Variants in CRY1 observed in about 807,000 individuals in gnomAD.
CRY1 encodes the protein cryptochrome-1.
CRY1 carries 45 observed loss-of-function variants against 76.0 expected under a neutral mutation model. That is an observed-to-expected ratio of 0.59 (90% CI 0.47 to 0.76). The LOEUF (loss-of-function observed/expected upper bound fraction) is 0.76, where lower values mean the gene tolerates loss of function less well. Among genes scored for constraint, CRY1 ranks in the 30% least tolerant of loss-of-function variants. The pLI is 0.00. For synonymous variants in CRY1, 248 were observed against 244.0 expected (o/e 1.02, Z -0.15); for missense variants, 587 against 716.4 (o/e 0.82, Z 2.06).
chr12:107,022,007 A>G (rs1252306842), intron 2 of CRY1, 77 bp downstream of exon 2: 7 of 1,084,310 alleles, frequency 6.5e-6, no homozygotes, highest in Non-Finnish European at 9.4e-6. Flanking sequence ...ATTTTCAATT[A>G]GTCAAAAAAC....
chr12:107,013,105 A>G lies in CRY1; in HGVS notation c.268-7857T>C, dbSNP rs531286187. Among the ~76,000 whole-genome samples, 4 of 152,358 alleles carry G rather than the reference A, an allele frequency of 2.6e-5. No homozygotes were observed. In the South Asian group the frequency reaches 8.3e-4, roughly 32 times the overall value. ...TGATGAAGCAGTGGCAGGGTTTGAG[A>G]GGACTGACTCCAATTTTTAAAGTTG... On this transcript the variant is annotated intron_variant, in intron 2 of 12. Coordinates refer to ENST00000008527, the MANE Select transcript of CRY1 (RefSeq NM_004075.5).
intron 1 of CRY1, among the ~76,000 whole-genome samples, chr12:107,067,836 G>A (rs559788190): frequency 6.6e-6 from 1 of 152,256 alleles, no homozygotes; most frequent in South Asian, 2.1e-4. Flanking sequence ...TCTGACAGAT[G>A]TTCTCAACCG....
At chr12:107,005,595 G>A (rs547038509) in intron 2 of CRY1, among the ~76,000 whole-genome samples, 1 of 152,172 alleles carries the variant, frequency 6.6e-6, no homozygotes, top group African/African-American at 2.4e-5. Context: ...TTGGCACTTT[G>A]GTTAGTATTT....
At chr12:106,998,436 T>C (rs899615009) in intron 7 of CRY1, among the ~76,000 whole-genome samples, 1 of 152,096 alleles carries the variant, frequency 6.6e-6, no homozygotes, top group African/African-American at 2.4e-5. Flanking sequence ...TGCTATTACA[T>C]AAAACACCAA....
At chr12:107,005,745 T>C (rs888063765) in intron 2 of CRY1, among the ~76,000 whole-genome samples, 14 of 152,158 alleles carry the variant, frequency 9.2e-5, no homozygotes, top group African/African-American at 3.4e-4. Flanking sequence ...ATAAGCTGCC[T>C]GGCTGAGGTC....
intron 12 of CRY1, 57 bp downstream of exon 12, chr12:106,992,730 A>T (rs1952192119): frequency 7.4e-7 from 1 of 1,352,056 alleles, no homozygotes; most frequent in Non-Finnish European, 1.0e-6. Flanking sequence ...AAATTATCTT[A>T]ATTTATGTTA....
intron 12 of CRY1, 123 bp from the exon 13 acceptor site, chr12:106,992,124 T>TA (rs1952186416): frequency 6.6e-6 from 1 of 152,038 alleles, no homozygotes; most frequent in Non-Finnish European, 1.5e-5. Context: ...TAGGTTGACA[T>TA]AAAAAAACTA....
intron 1 of CRY1, among the ~76,000 whole-genome samples, chr12:107,025,155 T>A (rs1555198940): frequency 1.3e-5 from 2 of 152,060 alleles, no homozygotes; most frequent in Non-Finnish European, 2.9e-5. Context: ...CGTTAGGGAG[T>A]GGGGGTTTGA....
intron 1 of CRY1, among the ~76,000 whole-genome samples, chr12:107,067,128 C>A (rs140327762): frequency 1.3e-4 from 20 of 152,118 alleles, no homozygotes; most frequent in African/African-American, 4.6e-4. Context: ...AAACTATGGC[C>A]CATGGGACAA....
At chr12:107,001,228 T>A in intron 5 of CRY1, 52 bp downstream of exon 5, 1 of 1,344,694 alleles carries the variant, frequency 7.4e-7, no homozygotes. Flanking sequence ...AATTATTTTT[T>A]AAATGGCAGT....
intron 1 of CRY1, among the ~76,000 whole-genome samples, chr12:107,032,166 T>C (rs1952684354): frequency 6.6e-6 from 1 of 152,094 alleles, no homozygotes; most frequent in African/African-American, 2.4e-5. Flanking sequence ...ACTCCTGACC[T>C]CAGGTGATCC....
chr12:107,051,937 A>G (rs1020894642), intron 1 of CRY1, among the ~76,000 whole-genome samples: 5 of 122,772 alleles, frequency 4.1e-5, no homozygotes, highest in African/African-American at 1.4e-4. Context: ...TCTGTTAAGC[A>G]TTTGTAAAAG....
intron 1 of CRY1, among the ~76,000 whole-genome samples, chr12:107,032,227 C>T (rs1166166635): frequency 1.3e-5 from 2 of 151,518 alleles, no homozygotes; most frequent in African/African-American, 4.8e-5. Context: ...AGCCACCACG[C>T]CCGGCCAGTA....
At chr12:106,994,454 C>CCA (rs1952211544) in intron 10 of CRY1, among the ~76,000 whole-genome samples, 1 of 152,108 alleles carries the variant, frequency 6.6e-6, no homozygotes, top group South Asian at 2.1e-4. Flanking sequence ...TGTTTTCCCT[C>CCA]CACACCCCCA....
intron 1 of CRY1, among the ~76,000 whole-genome samples, chr12:107,072,175 ACCTTT>A (rs111659668): frequency 0.015 from 1,705 of 110,762 alleles, 44 homozygotes; most frequent in African/African-American, 0.043. Flanking sequence ...TTCTACAACC[ACCTTT>A]CTATGCAAAG....
intron 1 of CRY1, among the ~76,000 whole-genome samples, chr12:107,040,801 A>AGAT (rs1952790189): frequency 6.6e-6 from 1 of 152,124 alleles, no homozygotes; most frequent in South Asian, 2.1e-4. Flanking sequence ...AAAAAAGGTC[A>AGAT]ATTACTAATA....
At chr12:107,067,155 G>C (rs1466018780) in intron 1 of CRY1, among the ~76,000 whole-genome samples, 1 of 152,132 alleles carries the variant, frequency 6.6e-6, no homozygotes, top group East Asian at 1.9e-4. Context: ...CCTGTGGCCT[G>C]TTTTTGTATA....
chr12:107,082,186 C>T (rs1477029709), intron 1 of CRY1, among the ~76,000 whole-genome samples: 1 of 151,908 alleles, frequency 6.6e-6, no homozygotes, highest in African/African-American at 2.4e-5. Context: ...AACAAGAGCA[C>T]CCAGATTCAT....
Position 107,093,090 on chromosome 12 carries a change from G to A in CRY1, c.-129C>T. On this transcript the variant is annotated 5_prime_UTR_variant, in exon 1 of 13. Coordinates refer to ENST00000008527, the MANE Select transcript of CRY1 (RefSeq NM_004075.5). ...AGGAAAGGGCGGCAGAGGGGGAACA[G>A]GAAAAAATGACTCCGAGGAGGGGAC... The A allele has an allele frequency of 8.8e-7, 1 of 1,137,902 alleles. No individual in the cohort carries two copies. The highest frequency in any genetic ancestry group is 1.6e-5 in the African/African-American group (1 of 62,876). 70.5% of individuals were successfully genotyped at this position (1,137,902 alleles called of 1,614,324 possible). A position where few individuals can be genotyped will look rare whatever the true frequency, so the allele number is the denominator to read the frequency against.
Sources: gnomAD v4.1 joint callset for allele counts (sites outside exome capture counted in the v4.1 genomes callset) on GRCh38, gnomAD v4.1.1 for gene constraint, MANE v1.5 for transcripts, NCBI Gene and HGNC (gene_info 2026-07-23, HGNC 2026-07-21) for gene names.